Variants in NBAS observed in about 807,000 individuals in gnomAD.
NBAS encodes NBAS subunit of NRZ tethering complex, also known as NAG/BC035112 fusion.
In NBAS, 219 loss-of-function variants were observed where a neutral mutation model predicts 302.5. The ratio of observed to expected loss-of-function variants is 0.72; its 90% CI spans 0.65 to 0.81. The LOEUF (loss-of-function observed/expected upper bound fraction) is 0.81, where lower values mean the gene tolerates loss of function less well. Ranked by LOEUF, NBAS falls within the 30% of genes least tolerant of loss-of-function variation. The pLI is 0.00. For synonymous variants in NBAS, 1,118 were observed against 1,021.6 expected, an observed-to-expected ratio of 1.09 and a Z score of -1.80; for missense variants, 2,932 against 2,841.6, an observed-to-expected ratio of 1.03 and a Z score of -0.72.
At chr2:14,976,780 A>G in the NBAS span, among the ~76,000 whole-genome samples, 2 of 152,186 alleles carry the variant, frequency 1.3e-5, no homozygotes, top group Non-Finnish European at 2.9e-5. Flanking sequence ...GGAGAAAACC[A>G]TGTGAAGATG....
intron 29 of NBAS, among the ~76,000 whole-genome samples, 175 bp downstream of exon 29, chr2:15,383,040 G>A (rs1675117560): frequency 6.6e-6 from 1 of 152,048 alleles, no homozygotes. Context: ...AAAAGACAAG[G>A]GAGACAGGAG....
intron 41 of NBAS, among the ~76,000 whole-genome samples, chr2:15,287,670 A>G (rs1670109679): frequency 1.3e-5 from 2 of 151,654 alleles, no homozygotes; most frequent in African/African-American, 4.8e-5. Flanking sequence ...ATGTGTAGGC[A>G]GTCCCGTGGA....
Position 15,240,446 on chromosome 2 carries a change from CAAAAAAA to C in NBAS, c.5725-1767_5725-1761del, listed in dbSNP as rs1175235771. Among the ~76,000 whole-genome samples the C allele has an allele frequency of 1.5e-4, 11 of 75,382 alleles. No homozygotes were observed. The South Asian group carries it at 3.1e-3, about 21-fold the overall frequency. The allele number at this position is 75,382 out of a possible 152,430, so 49.5% of individuals were successfully genotyped here. A position where few individuals can be genotyped will look rare whatever the true frequency, so the allele number is the denominator to read the frequency against. ...TGAAACCCCGTCTCTACTAAAAATACAAAAAAAAAAAAAAAAAAAAATTAGCCGGGCG... is the reference window on the plus strand; with the variant it reads ...TGAAACCCCGTCTCTACTAAAAATACAAAAAAAAAAAAAATTAGCCGGGCG... On this transcript the variant is annotated intron_variant, in intron 44 of 51. Transcript: ENST00000281513.
the NBAS span, among the ~76,000 whole-genome samples, chr2:15,140,554 G>T: frequency 1.3e-5 from 2 of 152,080 alleles, no homozygotes; most frequent in Non-Finnish European, 2.9e-5. Flanking sequence ...GTTTGTTCAG[G>T]GTTATATAAA....
chr2:14,835,723 T>G, the NBAS span, among the ~76,000 whole-genome samples: 1 of 135,692 alleles, frequency 7.4e-6, no homozygotes, highest in Non-Finnish European at 1.5e-5. Flanking sequence ...ATTTATTTAT[T>G]TTTTTGTGGA....
At chr2:14,995,394 T>C in the NBAS span, among the ~76,000 whole-genome samples, 9 of 152,328 alleles carry the variant, frequency 5.9e-5, no homozygotes, top group South Asian at 8.3e-4. Flanking sequence ...TGGAAAAATC[T>C]GCATTTTAAA....
At chr2:15,559,750 A>G (rs1664824319) in intron 1 of NBAS, among the ~76,000 whole-genome samples, 1 of 152,158 alleles carries the variant, frequency 6.6e-6, no homozygotes, top group South Asian at 2.1e-4. Context: ...AACACAAAAC[A>G]AAGTGCTAAG....
chr2:14,848,940 A>G, the NBAS span, among the ~76,000 whole-genome samples: 25 of 143,892 alleles, frequency 1.7e-4, no homozygotes, highest in African/African-American at 6.5e-4. Flanking sequence ...CACCATCATC[A>G]AAGACCAAAA....
At chr2:14,966,254 C>A in the NBAS span, among the ~76,000 whole-genome samples, 5 of 152,196 alleles carry the variant, frequency 3.3e-5, no homozygotes, top group African/African-American at 1.2e-4. Flanking sequence ...TACTTTGTAA[C>A]GGCAGCCCGA....
At chr2:14,994,040 A>C in the NBAS span, among the ~76,000 whole-genome samples, 1 of 152,216 alleles carries the variant, frequency 6.6e-6, no homozygotes, top group Non-Finnish European at 1.5e-5. Context: ...ATTTATCTCT[A>C]TCATGTACCT....
the NBAS span, among the ~76,000 whole-genome samples, chr2:15,133,757 T>C: frequency 1.3e-5 from 2 of 152,164 alleles, no homozygotes; most frequent in Non-Finnish European, 2.9e-5. Flanking sequence ...GTGTGTATTT[T>C]TAATTACATG....
At chr2:15,431,942 A>G (rs772517265) in intron 21 of NBAS, among the ~76,000 whole-genome samples, 1 of 152,142 alleles carries the variant, frequency 6.6e-6, no homozygotes, top group African/African-American at 2.4e-5. Context: ...AACTGCCCAA[A>G]TTTTAGCTAC....
In NBAS at chr2:15,167,361, T is replaced by G. The variant is rs199851812; in HGVS notation, c.6841-38A>C. ...AGACAGGCACAGCGTGAGGGGGTGT[T>G]TGCTTTGTTCGCCTCCCCCTTGGAT... On this transcript the variant is annotated intron_variant, in intron 51 of 51. Transcript: ENST00000281513. 1.4e-4 allele frequency: 229 copies of G among 1,612,258 alleles called. No individual in the cohort carries two copies. In the African/African-American group the frequency reaches 2.5e-3, roughly 17 times the overall value.
chr2:15,551,849 A>G (rs1332739575), intron 5 of NBAS, among the ~76,000 whole-genome samples: 1 of 152,216 alleles, frequency 6.6e-6, no homozygotes, highest in African/African-American at 2.4e-5. Context: ...GTTCTGAATC[A>G]AGAAATGTGG....
the NBAS span, among the ~76,000 whole-genome samples, chr2:15,104,367 T>C: frequency 6.6e-6 from 1 of 152,190 alleles, no homozygotes; most frequent in Non-Finnish European, 1.5e-5. Flanking sequence ...CTTGTAACTA[T>C]GCCTTCATTC....
chr2:15,134,836 T>C, the NBAS span, among the ~76,000 whole-genome samples: 1 of 152,200 alleles, frequency 6.6e-6, no homozygotes, highest in Non-Finnish European at 1.5e-5. Context: ...AGAATTTGCA[T>C]GATACACGCA....
the NBAS span, among the ~76,000 whole-genome samples, chr2:15,116,414 AG>A: frequency 1.1e-5 from 1 of 92,716 alleles, no homozygotes; most frequent in African/African-American, 4.0e-5. Context: ...CATGGCAGAG[AG>A]AGAGAGAGAG....
chr2:15,422,581 C>T (rs1450151051), intron 23 of NBAS, among the ~76,000 whole-genome samples: 1 of 151,210 alleles, frequency 6.6e-6, no homozygotes, highest in African/African-American at 2.4e-5. Context: ...TTTTGCATTC[C>T]ATTGTGGCAT....
At chr2:15,366,476 G>C in intron 32 of NBAS, 104 bp downstream of exon 32, 1 of 1,111,626 alleles carries the variant, frequency 9.0e-7, no homozygotes, top group Non-Finnish European at 1.4e-6. Flanking sequence ...TAATAAAAAA[G>C]CTGTTCTTCT....
Sources: allele counts gnomAD v4.1 joint callset (sites outside exome capture counted in the v4.1 genomes callset), GRCh38; gene constraint gnomAD v4.1.1; transcripts MANE v1.5; gene names NCBI Gene and HGNC (gene_info 2026-07-23, HGNC 2026-07-21).